ACAN: variants seen among roughly 807,000 people sequenced by gnomAD.
ACAN encodes the protein aggrecan.
In ACAN, 47 loss-of-function variants were observed where a neutral mutation model predicts 169.1. That is an observed-to-expected ratio of 0.28 (90% confidence interval 0.22 to 0.35). The LOEUF (loss-of-function observed/expected upper bound fraction) is 0.35, where lower values mean the gene tolerates loss of function less well. Among genes scored for constraint, ACAN ranks in the 10% least tolerant of loss-of-function variants. ACAN has a pLI of 1.00. For missense variants in ACAN, 2,716 were observed against 2,759.9 expected, an observed-to-expected ratio of 0.98 and a Z score of 0.36; for synonymous variants, 1,115 against 1,112.2, an observed-to-expected ratio of 1.00 and a Z score of -0.05.
At chr15:88,865,053 C>T (rs555041700) in intron 13 of ACAN, among the ~76,000 whole-genome samples, 4 of 152,350 alleles carry the variant, frequency 2.6e-5, no homozygotes, top group East Asian at 3.9e-4. Context: ...CAGACAACCA[C>T]GTGATGCTTT....
intron 1 of ACAN, among the ~76,000 whole-genome samples, chr15:88,820,656 T>G (rs1385539908): frequency 6.6e-6 from 1 of 152,160 alleles, no homozygotes; most frequent in East Asian, 1.9e-4. Context: ...CTACCTCTTT[T>G]TTGAAGCTCT....
chr15:88,829,324 T>C (rs543091936), intron 1 of ACAN, among the ~76,000 whole-genome samples: 14 of 152,310 alleles, frequency 9.2e-5, no homozygotes, highest in Admixed American at 8.5e-4. Flanking sequence ...AAGGGAAAAC[T>C]GTAAACTGAG....
intron 1 of ACAN, among the ~76,000 whole-genome samples, chr15:88,823,259 T>C (rs1404690899): frequency 6.6e-6 from 1 of 152,184 alleles, no homozygotes; most frequent in Non-Finnish European, 1.5e-5. Flanking sequence ...GCTGGAAACT[T>C]TGGGCTGAAG....
chr15:88,812,244 C>A (rs1008898000), intron 1 of ACAN, among the ~76,000 whole-genome samples: 2 of 152,290 alleles, frequency 1.3e-5, no homozygotes, highest in Admixed American at 1.3e-4. Context: ...GTCAGCAAGA[C>A]TTATGTACAC....
In ACAN at chr15:88,858,553, G is replaced by A. The variant is rs775778624; in HGVS notation, c.5968G>A (p.Gly1990Arg). ...TCTGGACCTAAGTGGGCTGCAGTCC[G>A]GGCTGATAGAGCCCAGCGGAGAGCC... The part of the protein sequence containing the change: ...GFLDLSGLQS[G>R]LIEPSGEPPG... The change falls in exon 12 of 19, where the codon GGG becomes AGG. Residue 1990 changes from glycine to arginine, a missense_variant. Coordinates refer to ENST00000560601, the MANE Select transcript of ACAN (RefSeq NM_001369268.1). This position sits in a 1 kb window ranked among gnomAD's most constrained non-coding sequence, Gnocchi z 4.0. The A allele has an allele frequency of 7.6e-5, 122 of 1,613,734 alleles. No homozygotes were observed. Among genetic ancestry groups the A allele is most frequent in the Non-Finnish European group, 8.7e-5 (103 of 1,179,898 alleles).
chr15:88,841,319 C>T (rs1374638658), intron 4 of ACAN, among the ~76,000 whole-genome samples: 1 of 152,214 alleles, frequency 6.6e-6, no homozygotes, highest in African/African-American at 2.4e-5. Context: ...TGAGGCCTAA[C>T]AAACTATGGC....
rs533423900 is a variant in ACAN at position 88,816,579 on chromosome 15, T to C, written c.-8+12770T>C. On this transcript the variant is annotated intron_variant, in intron 1 of 18. Transcript: ENST00000560601. ...TTTTATAGATAACAACACTGAGACATAGCTGGTAAGTGGTAGGACCAGGAC... is the reference window on the plus strand; with the variant it reads ...TTTTATAGATAACAACACTGAGACACAGCTGGTAAGTGGTAGGACCAGGAC... Among the ~76,000 whole-genome samples the C allele has an allele frequency of 5.1e-4, 77 of 152,322 alleles. No homozygotes were observed. The South Asian group carries it at 0.015, about 30-fold the overall frequency.
chr15:88,852,544 C>G (rs1432018332), intron 11 of ACAN, among the ~76,000 whole-genome samples: 5 of 152,196 alleles, frequency 3.3e-5, no homozygotes, highest in Non-Finnish European at 1.5e-5. Context: ...CACAATTAAA[C>G]CAGATGAGAC....
Position 88,814,324 on chromosome 15 carries a change from C to T in ACAN, c.-8+10515C>T, listed in dbSNP as rs947098077. On this transcript the variant is annotated intron_variant, in intron 1 of 18. Coordinates refer to ENST00000560601, the MANE Select transcript of ACAN (RefSeq NM_001369268.1). The surrounding 1 kb of genome is among the most constrained non-coding windows in gnomAD (Gnocchi z 4.0). The stretch of plus-strand genomic sequence containing the variant: ...TGTAAATCATGAACATTCCCAGACC[C>T]GTTCCTGGTATCTCTGAACCTGAAT... Among the ~76,000 whole-genome samples the T allele has an allele frequency of 2.0e-5, 3 of 152,360 alleles. No individual in the cohort carries two copies. The highest frequency in any genetic ancestry group is 3.9e-4 in the East Asian group (2 of 5,194).
At position 88,849,193 on chromosome 15, in the gene ACAN, G is replaced by T. The variant is rs955355325; in HGVS notation, c.1733-245G>T. Among the ~76,000 whole-genome samples, 2 of 152,206 alleles carry T rather than the reference G, an allele frequency of 1.3e-5. No individual in the cohort carries two copies. Among genetic ancestry groups the T allele is most frequent in the African/African-American group, 4.8e-5 (2 of 41,458 alleles). ...CTCAGCCCAGTTTTACGGGAATTTT[G>T]CCTTTTTTGGCACCGAAAGTCCTAT... On this transcript the variant is annotated intron_variant, in intron 9 of 18. Coordinates refer to ENST00000560601, the MANE Select transcript of ACAN (RefSeq NM_001369268.1). The surrounding 1 kb of genome is among the most constrained non-coding windows in gnomAD (Gnocchi z 5.1).
At chr15:88,836,541 C>T (rs755350654) in intron 2 of ACAN, among the ~76,000 whole-genome samples, 3 of 152,244 alleles carry the variant, frequency 2.0e-5, no homozygotes, top group Non-Finnish European at 2.9e-5. Flanking sequence ...GGAGAGCTCC[C>T]GGCAGGTGCC....
At position 88,873,094 on chromosome 15, in the gene ACAN, G is replaced by A; in HGVS notation, c.7447+69G>A. On this transcript the variant is annotated intron_variant, in intron 17 of 18. Transcript: ENST00000560601. The surrounding 1 kb of genome is among the most constrained non-coding windows in gnomAD (Gnocchi z 7.5). ...ACCTCCAGCTACAGGTGAGGCTCTT[G>A]CTGTGTGGCCTGGGGTGAGTCCCTT... 1 of 1,551,116 alleles carries A rather than the reference G, an allele frequency of 6.4e-7. No individual in the cohort carries two copies.
Position 88,840,163 on chromosome 15 carries a change from C to T in ACAN, c.606C>T (p.Gly202=). Residue 202 remains glycine, a synonymous_variant, in exon 4 of 19, where the codon GGC becomes GGT. Transcript: ENST00000560601. ...YEDGFHQCDA[G]WLADQTVRYP... ...ACGGCTTCCACCAGTGTGACGCCGG[C>T]TGGCTGGCTGACCAGACTGTCAGGT... 1.9e-6 allele frequency: 3 copies of T among 1,601,242 alleles called. No homozygotes were observed. The highest frequency in any genetic ancestry group is 2.6e-6 in the Non-Finnish European group (3 of 1,175,022).
At chr15:88,831,609 AC>A (rs572947170) in intron 1 of ACAN, among the ~76,000 whole-genome samples, 106 of 152,362 alleles carry the variant, frequency 7.0e-4, no homozygotes, top group African/African-American at 2.5e-3. Context: ...CACAGCAGCT[AC>A]CTTGTGAAGT....
intron 1 of ACAN, among the ~76,000 whole-genome samples, chr15:88,825,480 G>A (rs1488681657): frequency 6.6e-6 from 1 of 152,166 alleles, no homozygotes; most frequent in Non-Finnish European, 1.5e-5. Context: ...TACATTATGA[G>A]TCAAAGGTAT....
chr15:88,846,553 A>T (rs1475945544), intron 7 of ACAN, among the ~76,000 whole-genome samples: 1 of 152,258 alleles, frequency 6.6e-6, no homozygotes, highest in Non-Finnish European at 1.5e-5. Flanking sequence ...GAGGTTGAAT[A>T]CAGTCAGTCT....
In ACAN at chr15:88,871,449, C is replaced by T. The variant is rs182888026; in HGVS notation, c.7128C>T (p.Arg2376=). 1,546 of 1,613,952 alleles carry T rather than the reference C, an allele frequency of 9.6e-4. 11 individuals are homozygous for T. Among genetic ancestry groups the T allele is most frequent in the South Asian group, 1.2e-3 (112 of 91,078 alleles). ...ACTGTTACCGCCACTTCCCGGACCG[C>T]GAGACCTGGGTGGATGCTGAGCGCC... ...QGHCYRHFPD[R]ETWVDAERRC... Residue 2376 remains arginine, a synonymous_variant, in exon 15 of 19, where the codon CGC becomes CGT. Coordinates refer to ENST00000560601, the MANE Select transcript of ACAN (RefSeq NM_001369268.1). This position sits in a 1 kb window ranked among gnomAD's most constrained non-coding sequence, Gnocchi z 7.8.
Position 88,857,959 on chromosome 15 carries a change from G to C in ACAN, c.5374G>C (p.Val1792Leu). Residue 1792 changes from valine to leucine, a missense_variant, in exon 12 of 19, where the codon GTC (valine) becomes CTC (leucine). Transcript: ENST00000560601. ...ITDLSGETSG[V>L]PDLSGQPSGL... ...TGATCTGAGTGGAGAAACATCTGGG[G>C]TCCCTGATCTCAGTGGGCAGCCTTC... 6.2e-7 allele frequency: 1 copy of C among 1,613,840 alleles called. No individual in the cohort carries two copies. The highest frequency in any genetic ancestry group is 2.2e-5 in the East Asian group (1 of 44,876).
chr15:88,866,313 T>C lies in ACAN; in HGVS notation c.6947-1903T>C, dbSNP rs1269617945. Among the ~76,000 whole-genome samples, 1 of 152,180 alleles carries C rather than the reference T, an allele frequency of 6.6e-6. No individual in the cohort carries two copies. The highest frequency in any genetic ancestry group is 1.5e-5 in the Non-Finnish European group (1 of 68,034). ...TGCTCTGTACAACTGCTTTAGCACC[T>C]ACATTTGCTTAATTCCCCTTGCCCA... is the stretch of plus-strand genomic sequence containing the variant. On this transcript the variant is annotated intron_variant, in intron 13 of 18. Coordinates refer to ENST00000560601, the MANE Select transcript of ACAN (RefSeq NM_001369268.1). The surrounding 1 kb of genome is among the most constrained non-coding windows in gnomAD (Gnocchi z 5.6).
Sources: gnomAD v4.1 joint callset for allele counts (sites outside exome capture counted in the v4.1 genomes callset) on GRCh38, gnomAD v4.1.1 for gene constraint, Gnocchi (gnomAD v3.1) non-coding constraint, MANE v1.5 for transcripts, NCBI Gene and HGNC (gene_info 2026-07-23, HGNC 2026-07-21) for gene names.